The following PCDHA5 variants were observed in gnomAD, a reference collection of about 807,000 sequenced individuals.
The protein encoded by PCDHA5 is protocadherin alpha-5.
Under a neutral mutation model 61.6 loss-of-function variants are expected in PCDHA5, and 43 were observed. The observed-to-expected ratio is 0.70, with a 90% CI of 0.55 to 0.90. PCDHA5 has a LOEUF of 0.90. Among genes scored for constraint, PCDHA5 ranks in the 40% least tolerant of loss-of-function variants. PCDHA5 has a pLI of 0.00. For missense variants in PCDHA5, 1,298 were observed against 1,222.7 expected, an observed-to-expected ratio of 1.06 and a Z score of -0.92; for synonymous variants, 627 against 543.9, an observed-to-expected ratio of 1.15 and a Z score of -2.13.
rs782723934 is a variant in PCDHA5, at chr5:140,857,452, G to A, written c.2352+33325G>A. The A allele has an allele frequency of 4.4e-6, 7 of 1,598,446 alleles. 1 individual carries two copies. The highest frequency in any genetic ancestry group is 4.3e-6 in the Non-Finnish European group (5 of 1,167,904). ...CGGTGTTCGTGAAGGAGAACAACCC[G>A]CCAGGCTGCCACATCTTCACGGTGT... On this transcript the variant is annotated intron_variant, in intron 1 of 3. Coordinates refer to ENST00000529859, the MANE Select transcript of PCDHA5 (RefSeq NM_018908.3).
intron 1 of PCDHA5, among the ~76,000 whole-genome samples, chr5:140,845,321 T>A (rs1395146345): frequency 6.7e-6 from 1 of 149,684 alleles, no homozygotes; most frequent in Non-Finnish European, 1.5e-5. Context: ...AGGTATTACT[T>A]TAATTACTGA....
At position 140,857,115 on chromosome 5, in the gene PCDHA5, T is replaced by C. The variant is rs782131761; in HGVS notation, c.2352+32988T>C. On this transcript the variant is annotated intron_variant, in intron 1 of 3. Coordinates refer to ENST00000529859, the MANE Select transcript of PCDHA5 (RefSeq NM_018908.3). ...GAGGTGATTGTCACTTCTCTGTCTC[T>C]CCCAGTGAAAGAAGATGCTCAAGTG... 20 of 1,597,830 alleles carry C rather than the reference T, an allele frequency of 1.3e-5. 2 individuals carry two copies. In the East Asian group the frequency reaches 3.8e-4, roughly 30 times the overall value.
At chr5:140,936,212 A>C (rs1294255399) in intron 1 of PCDHA5, among the ~76,000 whole-genome samples, 1 of 152,126 alleles carries the variant, frequency 6.6e-6, no homozygotes, top group African/African-American at 2.4e-5. Context: ...TTTTTTATTT[A>C]GTATTCTTTC....
At chr5:140,828,774 T>G (rs2150158749) in intron 1 of PCDHA5, 1 of 1,614,198 alleles carries the variant, frequency 6.2e-7, no homozygotes, top group Admixed American at 1.7e-5. Context: ...ACTGTTCAGC[T>G]GCTGGTCACA....
intron 1 of PCDHA5, chr5:140,852,270 CAT>C (rs1193934371): frequency 1.4e-5 from 7 of 503,434 alleles, no homozygotes; most frequent in South Asian, 1.7e-4. Context: ...TACAATATTA[CAT>C]GTTTTTTGTC....
chr5:140,983,059 C>A (rs1325414567), intron 3 of PCDHA5, among the ~76,000 whole-genome samples: 3 of 151,980 alleles, frequency 2.0e-5, no homozygotes, highest in Non-Finnish European at 4.4e-5. Flanking sequence ...TTATCGGAAC[C>A]AAGGCATTGT....
chr5:140,885,083 C>T (rs1359793188), intron 1 of PCDHA5, among the ~76,000 whole-genome samples: 3 of 151,992 alleles, frequency 2.0e-5, no homozygotes, highest in Admixed American at 6.5e-5. Context: ...TAAAGAGCCC[C>T]ATAACTTTTC....
At chr5:140,928,406 G>A (rs782285182) in intron 1 of PCDHA5, 1 of 1,614,050 alleles carries the variant, frequency 6.2e-7, no homozygotes, top group South Asian at 1.1e-5. Flanking sequence ...TCATCCAGTG[G>A]GGCCATCACT....
chr5:140,838,651 G>A (rs1775818382), intron 1 of PCDHA5, among the ~76,000 whole-genome samples: 1 of 151,988 alleles, frequency 6.6e-6, no homozygotes, highest in Non-Finnish European at 1.5e-5. Context: ...AAAAATGATA[G>A]TTAACGGGGC....
chr5:140,899,464 T>A (rs1357482231), intron 1 of PCDHA5, among the ~76,000 whole-genome samples: 22 of 152,226 alleles, frequency 1.4e-4, no homozygotes, highest in Admixed American at 2.0e-4. Context: ...GGTTTTTGTC[T>A]TTGGTTCTGT....
At chr5:140,829,414 G>C (rs782476572) in intron 1 of PCDHA5, 12 of 1,614,044 alleles carry the variant, frequency 7.4e-6, no homozygotes, top group African/African-American at 6.7e-5. Flanking sequence ...CCGCCAGCTT[G>C]TCTGTGGAGG....
At chr5:140,987,444 C>G (rs2097254283) in intron 3 of PCDHA5, among the ~76,000 whole-genome samples, 1 of 151,998 alleles carries the variant, frequency 6.6e-6, no homozygotes, top group African/African-American at 2.4e-5. Flanking sequence ...TCCCCATGCC[C>G]GAGAGATAAT....
intron 1 of PCDHA5, among the ~76,000 whole-genome samples, chr5:140,943,500 G>T (rs907493905): frequency 6.6e-6 from 1 of 152,048 alleles, no homozygotes; most frequent in Non-Finnish European, 1.5e-5. Flanking sequence ...TGCTATCAAG[G>T]TTCATGGAAA....
intron 1 of PCDHA5, chr5:140,966,616 G>A: frequency 1.3e-6 from 1 of 788,372 alleles, no homozygotes; most frequent in South Asian, 2.7e-5. Context: ...AGGGCCTACG[G>A]AGGGAGCGGC....
At chr5:140,826,162 GT>G (rs1768831898) in intron 1 of PCDHA5, among the ~76,000 whole-genome samples, 1 of 152,122 alleles carries the variant, frequency 6.6e-6, no homozygotes, top group Non-Finnish European at 1.5e-5. Context: ...TTGAGAAATA[GT>G]TTTTGTCATT....
chr5:140,897,104 C>A (rs1474457154), intron 1 of PCDHA5, among the ~76,000 whole-genome samples: 1 of 152,116 alleles, frequency 6.6e-6, no homozygotes, highest in Non-Finnish European at 1.5e-5. Flanking sequence ...TTAAAAATCT[C>A]CACTTTCTGT....
chr5:141,009,298 T>C (rs1196659486), intron 3 of PCDHA5, among the ~76,000 whole-genome samples: 1 of 152,130 alleles, frequency 6.6e-6, no homozygotes, highest in Non-Finnish European at 1.5e-5. Context: ...CTATAAAATT[T>C]TTTTTAAAAA....
intron 1 of PCDHA5, chr5:140,876,450 G>T (rs2153340874): frequency 6.2e-7 from 1 of 1,614,012 alleles, no homozygotes; most frequent in Non-Finnish European, 8.5e-7. Context: ...TTGATAAAGG[G>T]ATTCCTTCCA....
chr5:140,906,239 T>G (rs563566442), intron 1 of PCDHA5, among the ~76,000 whole-genome samples: 5 of 152,314 alleles, frequency 3.3e-5, no homozygotes, highest in Admixed American at 1.3e-4. Context: ...CCTTGTCAAC[T>G]TGAACCCATA....
Sources: gnomAD v4.1 joint callset for allele counts (sites outside exome capture counted in the v4.1 genomes callset) on GRCh38, gnomAD v4.1.1 for gene constraint, MANE v1.5 for transcripts, NCBI Gene and HGNC (gene_info 2026-07-23, HGNC 2026-07-21) for gene names.